Variants in SVEP1 observed in about 807,000 individuals in gnomAD.
SVEP1 encodes the protein sushi, von Willebrand factor type A, EGF and pentraxin domain-containing protein 1.
In SVEP1, 164 loss-of-function variants were observed where a neutral mutation model predicts 367.3. The observed-to-expected ratio is 0.45, with a 90% CI of 0.39 to 0.51. The LOEUF (loss-of-function observed/expected upper bound fraction) is 0.51. Among genes scored for constraint, SVEP1 ranks in the 20% least tolerant of loss-of-function variants. The probability of loss-of-function intolerance (pLI) is 0.00; values close to 1 mark genes in which losing one functional copy is unlikely to be tolerated. For synonymous variants in SVEP1, 1,666 were observed against 1,611.6 expected, an observed-to-expected ratio of 1.03 and a Z score of -0.81; for missense variants, 4,117 against 4,425.3, an observed-to-expected ratio of 0.93 and a Z score of 1.98.
intron 1 of SVEP1, among the ~76,000 whole-genome samples, chr9:110,573,336 G>C (rs192765734): frequency 4.6e-5 from 7 of 152,240 alleles, no homozygotes; most frequent in Admixed American, 3.9e-4. Context: ...AACATAAAAA[G>C]AGACACTTTC....
At chr9:110,427,013 G>A (rs1014092838) in intron 36 of SVEP1, among the ~76,000 whole-genome samples, 2 of 152,026 alleles carry the variant, frequency 1.3e-5, no homozygotes, top group African/African-American at 2.4e-5. Flanking sequence ...TTGCATCTTA[G>A]TAGTACAATA....
rs1334734724 is a variant in SVEP1 at position 110,379,388 on chromosome 9, CA to C, written c.10366del (p.Cys3456ValfsTer2). 6.2e-7 allele frequency: 1 copy of C among 1,613,762 alleles called. No homozygotes were observed. The highest frequency in any genetic ancestry group is 8.5e-7 in the Non-Finnish European group (1 of 1,179,762). ...TGATGTCCATGTTCCATTTTCTAAA[CA>C]AACACTCCTCAGGAAACCCTCCAAC... Reference protein sequence around the residue: ...YMLEGFLRSVCLENGTWTSPP... With the variant: ...YMLEGFLRSVXLENGTWTSPP... On this transcript the variant is annotated frameshift_variant, in exon 44 of 48. Coordinates refer to ENST00000374469, the MANE Select transcript of SVEP1 (RefSeq NM_153366.4). LOFTEE classifies it high-confidence loss of function.
chr9:110,502,897 G>C (rs1343211103), intron 6 of SVEP1, 141 bp downstream of exon 6: 1 of 769,146 alleles, frequency 1.3e-6, no homozygotes, highest in Admixed American at 3.6e-5. Flanking sequence ...TTTTGTATCT[G>C]TAACACCTGC....
At chr9:110,479,592 G>A (rs368062524) in intron 13 of SVEP1, 43 bp downstream of exon 13, 2 of 1,554,338 alleles carry the variant, frequency 1.3e-6, no homozygotes, top group Non-Finnish European at 8.7e-7. Context: ...GGTTATGAAA[G>A]CCTTATAAAA....
At chr9:110,459,163 C>T (rs1192829358) in intron 18 of SVEP1, 50 bp from the exon 19 acceptor site, 6 of 1,553,524 alleles carry the variant, frequency 3.9e-6, no homozygotes, top group Non-Finnish European at 5.3e-6. Flanking sequence ...ACACACCCTA[C>T]ATTTGAAAGA....
intron 1 of SVEP1, among the ~76,000 whole-genome samples, chr9:110,560,993 T>A (rs950769805): frequency 6.6e-6 from 1 of 152,300 alleles, no homozygotes; most frequent in Middle Eastern, 3.4e-3. Context: ...TTTCCCTCCA[T>A]CTACAAAATA....
At chr9:110,532,909 G>T (rs533797306) in intron 3 of SVEP1, among the ~76,000 whole-genome samples, 1 of 152,174 alleles carries the variant, frequency 6.6e-6, no homozygotes, top group East Asian at 1.9e-4. Flanking sequence ...CAACATTTTT[G>T]GTACCAGGGA....
chr9:110,464,605 A>C (rs763401081), intron 18 of SVEP1, among the ~76,000 whole-genome samples: 1 of 152,150 alleles, frequency 6.6e-6, no homozygotes, highest in Non-Finnish European at 1.5e-5. Context: ...TGATAGTAGG[A>C]AGTGTGCCTA....
rs780973988 is a variant in SVEP1, at chr9:110,503,206, G to A, written c.1315C>T (p.Pro439Ser). 61 of 1,611,382 alleles carry A rather than the reference G, an allele frequency of 3.8e-5. No individual in the cohort carries two copies. In the South Asian group the frequency reaches 5.5e-4, roughly 15 times the overall value. ...CCATGTTTCGGCTGGCGGAGATGAG[G>A]ACATGTTCTTACTATGTAAAATGAA... Reference protein sequence around the residue: ...SESYCRVRTCPHLRQPKHGHI... With the variant: ...SESYCRVRTCSHLRQPKHGHI... The change falls in exon 6 of 48, where the codon CCT becomes TCT. Residue 439 changes from proline to serine, a missense_variant. Around this residue, in one of 4 missense-constraint regions of SVEP1, gnomAD observed 2,174 missense variants for 2,494.3 expected, o/e 0.87. Coordinates refer to ENST00000374469, the MANE Select transcript of SVEP1 (RefSeq NM_153366.4).
Position 110,385,893 on chromosome 9 carries a change from C to T in SVEP1, c.10237+5G>A. 1 of 1,611,068 alleles carries T rather than the reference C, an allele frequency of 6.2e-7. No homozygotes were observed. Among genetic ancestry groups the T allele is most frequent in the Admixed American group, 1.7e-5 (1 of 59,482 alleles). ...GCATGAACTGGCTTCCGCCTGCTGACTTACTTTCACATTTGGCGCTTGTCT... is the reference window on the plus strand; with the variant it reads ...GCATGAACTGGCTTCCGCCTGCTGATTTACTTTCACATTTGGCGCTTGTCT... On this transcript the variant is annotated splice_donor_5th_base_variant and intron_variant, in intron 43 of 47. Transcript: ENST00000374469.
At chr9:110,569,343 C>T (rs1830528060) in intron 1 of SVEP1, among the ~76,000 whole-genome samples, 1 of 151,550 alleles carries the variant, frequency 6.6e-6, no homozygotes. Flanking sequence ...GTAATCCCAG[C>T]TACTTGGGAG....
rs777866531 is a variant in SVEP1, at chr9:110,435,277, T to C, written c.4852A>G (p.Lys1618Glu). 2 of 1,613,572 alleles carry C rather than the reference T, an allele frequency of 1.2e-6. No homozygotes were observed. The highest frequency in any genetic ancestry group is 1.7e-6 in the Non-Finnish European group (2 of 1,179,552). Reference sequence around the variant, plus strand: ...ATGCTCTTAGAATCGATCTTCACTTTCCCCACAATTCCTGACAAGAAATCA... The same window carrying C: ...ATGCTCTTAGAATCGATCTTCACTTCCCCCACAATTCCTGACAAGAAATCA... Reference protein sequence around the residue: ...WPDFLSGIVGKVKIDSKSIFC... With the variant: ...WPDFLSGIVGEVKIDSKSIFC... The change falls in exon 29 of 48, where the codon AAA becomes GAA. Residue 1618 changes from lysine (K) to glutamate (E), a missense_variant. By Grantham distance (56) the Lys-to-Glu change is moderately conservative. Around this residue, in one of 4 missense-constraint regions of SVEP1, gnomAD observed 2,174 missense variants for 2,494.3 expected, o/e 0.87. Transcript: ENST00000374469.
At chr9:110,425,978 A>G (rs1290280601) in intron 36 of SVEP1, among the ~76,000 whole-genome samples, 2 of 152,222 alleles carry the variant, frequency 1.3e-5, no homozygotes, top group African/African-American at 4.8e-5. Context: ...CCCCAGCAAT[A>G]GTCAATATCT....
chr9:110,482,313 CAT>C (rs769925266), intron 11 of SVEP1, 46 bp downstream of exon 11: 96 of 1,587,292 alleles, frequency 6.0e-5, no homozygotes, highest in Admixed American at 4.2e-4. Context: ...ATAGCAATGA[CAT>C]GTGTCAAATG....
chr9:110,438,702 T>A (rs1459605038), intron 27 of SVEP1, among the ~76,000 whole-genome samples: 1 of 152,202 alleles, frequency 6.6e-6, no homozygotes, highest in African/African-American at 2.4e-5. Flanking sequence ...TTCTGGTAGT[T>A]AAACTGATGG....
At chr9:110,520,288 T>C (rs892091631) in intron 3 of SVEP1, among the ~76,000 whole-genome samples, 3 of 152,078 alleles carry the variant, frequency 2.0e-5, no homozygotes, top group African/African-American at 7.2e-5. Flanking sequence ...AAATTCCTCA[T>C]CCCAAACCAA....
intron 3 of SVEP1, 68 bp from the exon 4 acceptor site, chr9:110,514,174 G>T (rs967727707): frequency 5.2e-5 from 81 of 1,547,432 alleles, no homozygotes; most frequent in Non-Finnish European, 6.6e-5. Context: ...CAAAACATTT[G>T]AAATTAATAT....
At chr9:110,474,501 G>C (rs1829070285) in intron 14 of SVEP1, among the ~76,000 whole-genome samples, 1 of 152,092 alleles carries the variant, frequency 6.6e-6, no homozygotes, top group African/African-American at 2.4e-5. Context: ...ACCTGCCCAT[G>C]CTTTTTTCTC....
intron 22 of SVEP1, among the ~76,000 whole-genome samples, chr9:110,454,501 T>C (rs1222610908): frequency 6.6e-6 from 1 of 152,218 alleles, no homozygotes; most frequent in Admixed American, 6.5e-5. Context: ...AAAAGACACA[T>C]GCACTTGTAA....
Sources: gnomAD v4.1 joint callset for allele counts (sites outside exome capture counted in the v4.1 genomes callset) on GRCh38, gnomAD v4.1.1 for gene constraint, gnomAD v4.1.1 regional missense constraint, MANE v1.5 for transcripts, NCBI Gene and HGNC (gene_info 2026-07-23, HGNC 2026-07-21) for gene names.